The following USP34 variants were observed in gnomAD, a reference collection of about 807,000 sequenced individuals.
The protein encoded by USP34 is ubiquitin carboxyl-terminal hydrolase 34.
In USP34, 70 loss-of-function variants were observed where a neutral mutation model predicts 460.3. That is an observed-to-expected ratio of 0.15 (90% CI 0.13 to 0.19). USP34 has a LOEUF of 0.19. Ranked by LOEUF, USP34 falls within the 10% of genes least tolerant of loss-of-function variation. The probability of loss-of-function intolerance (pLI) is 1.00; values close to 1 mark genes in which losing one functional copy is unlikely to be tolerated. For missense variants in USP34, 3,985 were observed against 4,236.2 expected (o/e 0.94, Z 1.65); for synonymous variants, 1,647 against 1,405.3 (o/e 1.17, Z -3.85).
chr2:61,422,518 C>G (rs1694392503), intron 1 of USP34, among the ~76,000 whole-genome samples: 1 of 152,220 alleles, frequency 6.6e-6, no homozygotes, highest in Admixed American at 6.5e-5. Flanking sequence ...CAGCTATCAT[C>G]ATACTCAAAG....
intron 47 of USP34, 127 bp from the exon 48 acceptor site, chr2:61,256,605 A>G: frequency 1.4e-6 from 1 of 709,486 alleles, no homozygotes; most frequent in Non-Finnish European, 2.2e-6. Flanking sequence ...GTGAATTCTT[A>G]AATTTTAGTA....
chr2:61,311,239 A>AT (rs1181466393), intron 27 of USP34, among the ~76,000 whole-genome samples: 1 of 152,098 alleles, frequency 6.6e-6, no homozygotes, highest in Non-Finnish European at 1.5e-5. Flanking sequence ...GAGTCTGTTC[A>AT]TTTTTTACCC....
In USP34 at chr2:61,350,548, T is replaced by C. The variant is rs751983845; in HGVS notation, c.1377+20A>G. 1.3e-6 allele frequency: 2 copies of C among 1,576,370 alleles called. No individual in the cohort carries two copies. Among genetic ancestry groups the C allele is most frequent in the Non-Finnish European group, 1.7e-6 (2 of 1,167,998 alleles). On this transcript the variant is annotated intron_variant, in intron 11 of 79. Transcript: ENST00000398571. ...ACTTCACGGGAAAAAAAAAAAACTA[T>C]CATGTTTTGAATGTATTACCTGTTC...
chr2:61,244,552 T>C (rs142755568), intron 51 of USP34, among the ~76,000 whole-genome samples: 294 of 151,314 alleles, frequency 1.9e-3, no homozygotes, highest in African/African-American at 6.8e-3. Context: ...GAGGTGGAGG[T>C]TGCAGTGAGC....
intron 5 of USP34, among the ~76,000 whole-genome samples, chr2:61,387,072 T>C (rs1313799969): frequency 1.3e-5 from 2 of 152,106 alleles, no homozygotes; most frequent in African/African-American, 2.4e-5. Flanking sequence ...AATCCAATTT[T>C]GCAAATGGGC....
chr2:61,257,270 T>C lies in USP34; in HGVS notation c.5925A>G (p.Glu1975=). Residue 1975 remains glutamate, a synonymous_variant, in exon 45 of 80, where the codon GAA becomes GAG. Coordinates refer to ENST00000398571, the MANE Select transcript of USP34 (RefSeq NM_014709.4). ...TMDKQPLNTG[E]QKDMTEFFTD... ...TAAAAAACTCTGTCATATCTTTCTG[T>C]TCCCCAGTATTCAGAGGCTGCTTAT... 1 of 1,613,194 alleles carries C rather than the reference T, an allele frequency of 6.2e-7. No homozygotes were observed. Among genetic ancestry groups the C allele is most frequent in the South Asian group, 1.1e-5 (1 of 90,958 alleles).
chr2:61,320,272 T>A (rs1690876104), intron 21 of USP34, among the ~76,000 whole-genome samples: 1 of 152,228 alleles, frequency 6.6e-6, no homozygotes, highest in Non-Finnish European at 1.5e-5. Flanking sequence ...GACTAGTATC[T>A]TAAGGACAGG....
At chr2:61,462,696 A>G (rs1695640129) in intron 1 of USP34, among the ~76,000 whole-genome samples, 1 of 151,972 alleles carries the variant, frequency 6.6e-6, no homozygotes, top group Admixed American at 6.6e-5. Flanking sequence ...CCCCATCTCT[A>G]CTAAATATAC....
chr2:61,246,444 G>A lies in USP34; in HGVS notation c.6428C>T (p.Ser2143Leu). Residue 2143 changes from serine to leucine, a missense_variant, in exon 50 of 80, where the codon TCA becomes TTA. By Grantham distance (145) the Ser-to-Leu change is moderately radical. Transcript: ENST00000398571. ...FKEVSDHSKD[S>L]ESYEYDLIGV... ...TATCAAGTCATATTCATAGCTCTCT[G>A]AGTCTTTTGAATGATCACTGACTTC... The A allele has an allele frequency of 1.3e-6, 2 of 1,595,304 alleles. No homozygotes were observed. Among genetic ancestry groups the A allele is most frequent in the Non-Finnish European group, 1.7e-6 (2 of 1,170,878 alleles).
intron 1 of USP34, among the ~76,000 whole-genome samples, chr2:61,469,797 C>T (rs1292642237): frequency 6.6e-6 from 1 of 152,124 alleles, no homozygotes; most frequent in Non-Finnish European, 1.5e-5. Context: ...GGCCTTTACG[C>T]CCAGAAGTAG....
At chr2:61,330,682 G>C (rs539405748) in intron 20 of USP34, among the ~76,000 whole-genome samples, 4 of 152,096 alleles carry the variant, frequency 2.6e-5, no homozygotes, top group East Asian at 1.9e-4. Context: ...GAAATCTTCT[G>C]AATCTCCTAT....
chr2:61,320,208 C>T (rs532936323), intron 21 of USP34, among the ~76,000 whole-genome samples: 62 of 152,320 alleles, frequency 4.1e-4, no homozygotes, highest in African/African-American at 1.4e-3. Flanking sequence ...TTTTCCAACT[C>T]GCTTATTCCA....
In USP34 at chr2:61,435,463, A is replaced by C. The variant is rs1031915098; in HGVS notation, c.44-14630T>G. The stretch of plus-strand genomic sequence containing the variant: ...AACAGAGTTAAAGTACTAAAAAAAA[A>C]ACAAAAAAACAGCTTATCAAGATTA... On this transcript the variant is annotated intron_variant, in intron 1 of 79. Coordinates refer to ENST00000398571, the MANE Select transcript of USP34 (RefSeq NM_014709.4). Among the ~76,000 whole-genome samples, 6 of 152,056 alleles carry C rather than the reference A, an allele frequency of 3.9e-5. No homozygotes were observed. The East Asian group carries it at 5.8e-4, about 15-fold the overall frequency.
chr2:61,295,388 TTATA>T (rs1379551811), intron 30 of USP34, 98 bp from the exon 31 acceptor site: 5 of 1,270,020 alleles, frequency 3.9e-6, no homozygotes, highest in Admixed American at 3.1e-5. Flanking sequence ...ACTCAAAATA[TTATA>T]TATACTTTGA....
At chr2:61,316,198 A>C (rs1426344155) in intron 23 of USP34, among the ~76,000 whole-genome samples, 1 of 152,008 alleles carries the variant, frequency 6.6e-6, no homozygotes, top group Non-Finnish European at 1.5e-5. Flanking sequence ...AGTGATACTG[A>C]AGCAAGGGTT....
Position 61,257,357 on chromosome 2 carries a change from A to T in USP34, c.5845-7T>A. The T allele has an allele frequency of 6.4e-7, 1 of 1,562,358 alleles. No homozygotes were observed. The highest frequency in any genetic ancestry group is 8.6e-7 in the Non-Finnish European group (1 of 1,158,234). Reference sequence around the variant, plus strand: ...ATGCTTTGCATTCACTCTCCTGCAAATAAAAAGGGGAACATTCTAAGTGTC... The same window carrying T: ...ATGCTTTGCATTCACTCTCCTGCAATTAAAAAGGGGAACATTCTAAGTGTC... On this transcript the variant is annotated splice_region_variant and splice_polypyrimidine_tract_variant and intron_variant, in intron 44 of 79. Coordinates refer to ENST00000398571, the MANE Select transcript of USP34 (RefSeq NM_014709.4).
At chr2:61,469,894 C>A (rs932963731) in intron 1 of USP34, among the ~76,000 whole-genome samples, 3 of 152,146 alleles carry the variant, frequency 2.0e-5, no homozygotes, top group African/African-American at 4.8e-5. Flanking sequence ...GATCAACGTA[C>A]CCTTTTTAAT....
chr2:61,396,617 T>C (rs1319521349), intron 3 of USP34, among the ~76,000 whole-genome samples: 1 of 151,668 alleles, frequency 6.6e-6, no homozygotes, highest in Non-Finnish European at 1.5e-5. Context: ...GCCTCCAGAG[T>C]AGCCGGGATT....
At chr2:61,222,541 G>A (rs1375204397) in intron 65 of USP34, 78 bp downstream of exon 65, 4 of 1,195,778 alleles carry the variant, frequency 3.3e-6, no homozygotes, top group African/African-American at 3.1e-5. Flanking sequence ...TTGTTCTCGA[G>A]AACAATTAGG....
Sources: gnomAD v4.1 joint callset for allele counts (sites outside exome capture counted in the v4.1 genomes callset) on GRCh38, gnomAD v4.1.1 for gene constraint, MANE v1.5 for transcripts, NCBI Gene and HGNC (gene_info 2026-07-23, HGNC 2026-07-21) for gene names.